Variants in SH3BP4 observed in about 807,000 individuals in gnomAD.
SH3BP4 encodes the protein SH3 domain-binding protein 4.
A neutral mutation model predicts 65.5 loss-of-function variants in SH3BP4; 33 were observed. That is an observed-to-expected ratio of 0.50 (90% CI 0.38 to 0.67). SH3BP4 has a LOEUF of 0.67. Among genes scored for constraint, SH3BP4 ranks in the 30% least tolerant of loss-of-function variants. SH3BP4 has a pLI of 0.00. For missense variants in SH3BP4, 1,134 were observed against 1,261.4 expected, an observed-to-expected ratio of 0.90 and a Z score of 1.53; for synonymous variants, 552 against 545.5, an observed-to-expected ratio of 1.01 and a Z score of -0.17.
At chr2:234,985,220 G>A (rs1338973906) in intron 1 of SH3BP4, among the ~76,000 whole-genome samples, 1 of 152,134 alleles carries the variant, frequency 6.6e-6, no homozygotes, top group East Asian at 1.9e-4. Flanking sequence ...TCACTTCCAC[G>A]AAGTCCTCAC....
rs143712876 is a variant in SH3BP4, at chr2:234,980,188, C to G, written c.-206-15115C>G. 4.8e-4 allele frequency among the ~76,000 whole-genome samples: 73 copies of G among 152,306 alleles called. 1 individual carries two copies. The highest frequency in any genetic ancestry group is 1.1e-3 in the African/African-American group (47 of 41,568). On this transcript the variant is annotated intron_variant, in intron 1 of 5. Coordinates refer to ENST00000392011, the MANE Select transcript of SH3BP4 (RefSeq NM_014521.3). The stretch of plus-strand genomic sequence containing the variant: ...GTCCCCCCCTTATCTGCAGGGGATA[C>G]AGGGCCCCCAGAAGGTGCCTGAAAC...
At chr2:235,029,355 A>G (rs1271651796) in intron 2 of SH3BP4, among the ~76,000 whole-genome samples, 2 of 152,174 alleles carry the variant, frequency 1.3e-5, no homozygotes, top group Admixed American at 1.3e-4. Flanking sequence ...AGGAAATTCA[A>G]GATGCACCTT....
chr2:235,020,295 G>C (rs1472461275), intron 2 of SH3BP4, among the ~76,000 whole-genome samples: 11 of 152,172 alleles, frequency 7.2e-5, no homozygotes, highest in Non-Finnish European at 1.5e-5. Context: ...CAGGAGTTCA[G>C]GATCAGCCTG....
intron 2 of SH3BP4, among the ~76,000 whole-genome samples, chr2:235,032,527 G>C (rs1013843099): frequency 1.3e-5 from 2 of 152,202 alleles, no homozygotes; most frequent in Non-Finnish European, 2.9e-5. Context: ...CCATCACTGG[G>C]GTCTCCACAG....
In SH3BP4 at chr2:235,008,273, G is replaced by T. The variant is rs117903125; in HGVS notation, c.-133+12897G>T. ...TCAGCCAGCCTGAAGCCCTGGGTTG[G>T]GACAGCCCCTTGGTGGGAGGGAGGC... On this transcript the variant is annotated intron_variant, in intron 2 of 5. Coordinates refer to ENST00000392011, the MANE Select transcript of SH3BP4 (RefSeq NM_014521.3). Among the ~76,000 whole-genome samples the T allele has an allele frequency of 8.5e-5, 13 of 152,280 alleles. No individual in the cohort carries two copies. In the East Asian group the frequency reaches 2.5e-3, roughly 30 times the overall value.
At chr2:234,973,438 A>AG (rs1693057107) in intron 1 of SH3BP4, among the ~76,000 whole-genome samples, 1 of 152,198 alleles carries the variant, frequency 6.6e-6, no homozygotes, top group South Asian at 2.1e-4. Flanking sequence ...CAGTATGTAC[A>AG]GCCTCACTTT....
At chr2:234,972,371 A>C (rs1002023196) in intron 1 of SH3BP4, among the ~76,000 whole-genome samples, 6 of 151,804 alleles carry the variant, frequency 4.0e-5, no homozygotes, top group Non-Finnish European at 8.8e-5. Flanking sequence ...GACCTCAGGT[A>C]ATCCACCTGC....
At chr2:234,994,498 G>T in intron 1 of SH3BP4, 1 of 152,274 alleles carries the variant, frequency 6.6e-6, no homozygotes. Flanking sequence ...GTCAGCCTGA[G>T]GGGGAGGGCG....
At chr2:235,006,595 G>A (rs1292889352) in intron 2 of SH3BP4, among the ~76,000 whole-genome samples, 1 of 152,180 alleles carries the variant, frequency 6.6e-6, no homozygotes, top group Non-Finnish European at 1.5e-5. Context: ...TCAGGAGTCT[G>A]TGGACTCAGG....
intron 1 of SH3BP4, among the ~76,000 whole-genome samples, chr2:234,959,014 A>C (rs999656998): frequency 6.6e-6 from 1 of 152,034 alleles, no homozygotes; most frequent in Non-Finnish European, 1.5e-5. Flanking sequence ...AGAGGGAAGC[A>C]TTGGGTGTGA....
At chr2:235,008,310 G>T (rs1694366786) in intron 2 of SH3BP4, among the ~76,000 whole-genome samples, 1 of 152,214 alleles carries the variant, frequency 6.6e-6, no homozygotes, top group Admixed American at 6.5e-5. Context: ...CTTTGATGCA[G>T]CTGGGGCTCT....
chr2:235,011,986 A>G (rs1694523370), intron 2 of SH3BP4, among the ~76,000 whole-genome samples: 1 of 152,194 alleles, frequency 6.6e-6, no homozygotes, highest in Admixed American at 6.5e-5. Flanking sequence ...TTGGCTGGAG[A>G]GACACACAAT....
intron 1 of SH3BP4, among the ~76,000 whole-genome samples, chr2:234,969,973 TCA>T (rs1237236679): frequency 6.0e-5 from 9 of 150,494 alleles, no homozygotes; most frequent in East Asian, 2.0e-4. Context: ...ACACACACTC[TCA>T]CACACACTCC....
chr2:235,042,146 C>T lies in SH3BP4; in HGVS notation c.1377C>T (p.Ser459=), dbSNP rs1311857664. ...TGGCTGTCGTGGCCCATGGCCCAAG[C>T]ATCCTCTACCCTTCCACCGTGTGGG... ...MYVAVVAHGP[S]ILYPSTVWDF... is the part of the protein sequence containing the mutation. The change falls in exon 4 of 6, where the codon AGC becomes AGT. Residue 459 remains serine (S), a synonymous_variant. Coordinates refer to ENST00000392011, the MANE Select transcript of SH3BP4 (RefSeq NM_014521.3). This position sits in a 1 kb window ranked among gnomAD's most constrained non-coding sequence, Gnocchi z 7.3. The T allele has an allele frequency of 6.2e-7, 1 of 1,614,026 alleles. No individual in the cohort carries two copies. Among genetic ancestry groups the T allele is most frequent in the East Asian group, 2.2e-5 (1 of 44,862 alleles).
chr2:234,960,338 C>A (rs933567547), intron 1 of SH3BP4, among the ~76,000 whole-genome samples: 2 of 152,166 alleles, frequency 1.3e-5, no homozygotes, highest in Non-Finnish European at 2.9e-5. Flanking sequence ...TTTGAGGAAT[C>A]GATATTTCAA....
At chr2:235,038,323 A>ATATTATATATAC (rs1695484471) in intron 3 of SH3BP4, among the ~76,000 whole-genome samples, 1 of 5,682 alleles carries the variant, frequency 1.8e-4, no homozygotes, top group East Asian at 8.6e-3. Flanking sequence ...TATATATTAT[A>ATATTATATATAC]TATATATTAT....
At chr2:235,025,226 A>G (rs780119957) in intron 2 of SH3BP4, among the ~76,000 whole-genome samples, 5 of 152,140 alleles carry the variant, frequency 3.3e-5, no homozygotes, top group African/African-American at 4.8e-5. Flanking sequence ...TGAGCTCTTC[A>G]TGATTCTCAG....
Position 235,046,563 on chromosome 2 carries a change from C to A in SH3BP4, c.2478+3316C>A, listed in dbSNP as rs115009380. ...CTCCAGCCTGGACAACAGAGTGAAA[C>A]CCTGTCTTGAAAATAAAGGAAGAGA... On this transcript the variant is annotated intron_variant, in intron 4 of 5. Coordinates refer to ENST00000392011, the MANE Select transcript of SH3BP4 (RefSeq NM_014521.3). The surrounding 1 kb of genome is among the most constrained non-coding windows in gnomAD (Gnocchi z 4.2). Among the ~76,000 whole-genome samples the A allele has an allele frequency of 6.8e-3, 1,041 of 152,178 alleles. 18 individuals carry two copies. The highest frequency in any genetic ancestry group is 0.024 in the African/African-American group (994 of 41,506).
chr2:234,999,778 T>G (rs1324679057), intron 2 of SH3BP4, among the ~76,000 whole-genome samples: 1 of 152,166 alleles, frequency 6.6e-6, no homozygotes, highest in Non-Finnish European at 1.5e-5. Flanking sequence ...GAGAGCACAG[T>G]GAATCTTCTC....
Sources: allele counts gnomAD v4.1 joint callset (sites outside exome capture counted in the v4.1 genomes callset), GRCh38; gene constraint gnomAD v4.1.1; non-coding constraint Gnocchi (gnomAD v3.1); transcripts MANE v1.5; gene names NCBI Gene and HGNC (gene_info 2026-07-23, HGNC 2026-07-21).